The following PDE4D variants were observed in gnomAD, a reference collection of about 807,000 sequenced individuals.
The protein encoded by PDE4D is 3',5'-cyclic-AMP phosphodiesterase 4D.
A neutral mutation model predicts 87.4 loss-of-function variants in PDE4D; 24 were observed. That is an observed-to-expected ratio of 0.27 (90% CI 0.20 to 0.39). The LOEUF is 0.39. Among genes scored for constraint, PDE4D ranks in the 10% least tolerant of loss-of-function variants. PDE4D has a pLI of 1.00. For synonymous variants in PDE4D, 384 were observed against 383.2 expected (o/e 1.00, Z -0.02); for missense variants, 714 against 1,041.0 (o/e 0.69, Z 4.32).
At chr5:60,144,524 T>C (rs1780830693) in intron 2 of PDE4D, among the ~76,000 whole-genome samples, 1 of 152,220 alleles carries the variant, frequency 6.6e-6, no homozygotes, top group East Asian at 1.9e-4. Context: ...TTTTCTGCAT[T>C]GCTCACTGCT....
chr5:59,227,565 C>T (rs929577974), intron 1 of PDE4D, among the ~76,000 whole-genome samples: 4 of 151,966 alleles, frequency 2.6e-5, no homozygotes, highest in Non-Finnish European at 4.4e-5. Flanking sequence ...AAAACCAAAC[C>T]GCCCCATTAA....
At chr5:59,992,257 A>G (rs746623394) in intron 2 of PDE4D, among the ~76,000 whole-genome samples, 10 of 152,182 alleles carry the variant, frequency 6.6e-5, no homozygotes, top group Non-Finnish European at 1.0e-4. Context: ...ATGTTACAAC[A>G]TGCTTCTACA....
chr5:59,636,795 A>G (rs186963692), intron 1 of PDE4D, among the ~76,000 whole-genome samples: 1,557 of 152,372 alleles, frequency 0.01, 19 homozygotes, highest in South Asian at 0.027. Flanking sequence ...TAAAACCATA[A>G]AAACCCTAGA....
At chr5:59,066,987 GATTT>G (rs75735314) in intron 5 of PDE4D, among the ~76,000 whole-genome samples, 26,796 of 141,100 alleles carry the variant, frequency 0.19, 2,842 homozygotes, top group East Asian at 0.52. Flanking sequence ...CCCAGCTCGT[GATTT>G]ATTTATTTAT....
intron 3 of PDE4D, among the ~76,000 whole-genome samples, chr5:59,900,720 A>G (rs1752170381): frequency 6.6e-6 from 1 of 152,158 alleles, no homozygotes; most frequent in African/African-American, 2.4e-5. Flanking sequence ...GAGATGTTTA[A>G]CTTTTTGTGG....
intron 1 of PDE4D, among the ~76,000 whole-genome samples, chr5:59,777,544 A>G (rs1373787585): frequency 6.6e-6 from 1 of 152,196 alleles, no homozygotes; most frequent in Non-Finnish European, 1.5e-5. Context: ...CTGATTCAGT[A>G]CATCTGGGGT....
intron 1 of PDE4D, among the ~76,000 whole-genome samples, chr5:59,431,100 AT>A (rs956831836): frequency 2.6e-5 from 4 of 151,836 alleles, no homozygotes; most frequent in Non-Finnish European, 4.4e-5. Context: ...GATGATACAC[AT>A]TTTTTTTCCT....
chr5:59,393,138 C>G (rs1395758375), intron 1 of PDE4D, among the ~76,000 whole-genome samples: 1 of 151,852 alleles, frequency 6.6e-6, no homozygotes, highest in Non-Finnish European at 1.5e-5. Flanking sequence ...AAGAGTCAAC[C>G]TAGGACAAAA....
At chr5:60,151,783 C>T (rs916116010) in intron 2 of PDE4D, among the ~76,000 whole-genome samples, 6 of 152,152 alleles carry the variant, frequency 3.9e-5, no homozygotes, top group Non-Finnish European at 8.8e-5. Flanking sequence ...CTGTGTTGAA[C>T]AAAAATGGCA....
intron 1 of PDE4D, chr5:59,314,594 C>T (rs999721007): frequency 1.3e-5 from 2 of 152,158 alleles, no homozygotes; most frequent in African/African-American, 2.4e-5. Flanking sequence ...GTCGTCTGTG[C>T]TGTCATCAAT....
chr5:59,625,250 T>C (rs1301535933), intron 1 of PDE4D, among the ~76,000 whole-genome samples: 5 of 152,122 alleles, frequency 3.3e-5, no homozygotes, highest in Admixed American at 2.0e-4. Flanking sequence ...ACCAATGGGA[T>C]AAGAATCCAA....
chr5:59,470,655 G>A (rs557273370), intron 1 of PDE4D, among the ~76,000 whole-genome samples: 1 of 152,146 alleles, frequency 6.6e-6, no homozygotes, highest in East Asian at 1.9e-4. Context: ...AATGTAAATT[G>A]AGAAATTGAT....
intron 1 of PDE4D, among the ~76,000 whole-genome samples, chr5:60,372,132 C>T (rs1761082895): frequency 7.2e-6 from 1 of 139,374 alleles, no homozygotes; most frequent in Non-Finnish European, 1.7e-5. Flanking sequence ...CAACACACAG[C>T]ATTGTCAGTC....
intron 1 of PDE4D, among the ~76,000 whole-genome samples, chr5:60,304,574 A>G (rs941985241): frequency 1.5e-3 from 221 of 146,898 alleles, no homozygotes; most frequent in Non-Finnish European, 2.2e-3. Context: ...GAACCCGGGA[A>G]GCGGAGCTTG....
chr5:59,300,113 A>G (rs1453851467), intron 1 of PDE4D, among the ~76,000 whole-genome samples: 1 of 77,836 alleles, frequency 1.3e-5, no homozygotes, highest in Non-Finnish European at 3.0e-5. Context: ...GTCTGTCTCA[A>G]AAAAAAAAAA....
chr5:59,337,827 G>C (rs1777997057), intron 1 of PDE4D, among the ~76,000 whole-genome samples: 1 of 152,054 alleles, frequency 6.6e-6, no homozygotes, highest in South Asian at 2.1e-4. Context: ...ATTCTGAATG[G>C]GCATGGGGAC....
intron 1 of PDE4D, among the ~76,000 whole-genome samples, chr5:60,395,171 C>T (rs987588160): frequency 7.2e-5 from 11 of 152,090 alleles, no homozygotes; most frequent in African/African-American, 2.7e-4. Flanking sequence ...CATAAACCAC[C>T]CCCCTCCACC....
At chr5:60,376,014 G>T (rs974341974) in intron 1 of PDE4D, among the ~76,000 whole-genome samples, 3 of 152,122 alleles carry the variant, frequency 2.0e-5, no homozygotes, top group Non-Finnish European at 4.4e-5. Flanking sequence ...ACTCCAGCCT[G>T]GTGACAAAGC....
At chr5:59,836,690 T>C (rs1038209666) in intron 1 of PDE4D, among the ~76,000 whole-genome samples, 1 of 151,758 alleles carries the variant, frequency 6.6e-6, no homozygotes, top group Non-Finnish European at 1.5e-5. Context: ...TCTACCTATC[T>C]ATCTATGTAT....
Sources: allele counts gnomAD v4.1 joint callset (sites outside exome capture counted in the v4.1 genomes callset), GRCh38; gene constraint gnomAD v4.1.1; transcripts MANE v1.5; gene names NCBI Gene and HGNC (gene_info 2026-07-23, HGNC 2026-07-21).